Variants in DOCK6 observed in about 807,000 individuals in gnomAD.
DOCK6 encodes the protein dedicator of cytokinesis protein 6.
A neutral mutation model predicts 230.3 loss-of-function variants in DOCK6; 167 were observed. That is an observed-to-expected ratio of 0.73 (90% confidence interval 0.64 to 0.82). DOCK6 has a LOEUF of 0.82. DOCK6 is among the 40% of genes least tolerant of loss of function. The probability of loss-of-function intolerance (pLI) is 0.00; values close to 1 mark genes in which losing one functional copy is unlikely to be tolerated. For missense variants in DOCK6, 2,598 were observed against 2,825.8 expected (o/e 0.92, Z 1.83); for synonymous variants, 1,148 against 1,185.0 (o/e 0.97, Z 0.64).
chr19:11,236,733 A>T lies in DOCK6; in HGVS notation c.2160+60T>A. The T allele has an allele frequency of 6.5e-7, 1 of 1,544,384 alleles. No homozygotes were observed. Among genetic ancestry groups the T allele is most frequent in the South Asian group, 1.2e-5 (1 of 83,880 alleles). ...CCCGGCCATCGGCAACTGTTACTCA[A>T]TCGTAGGGCAGGCAAGAGGGGAGCA... On this transcript the variant is annotated intron_variant, in intron 19 of 47. Transcript: ENST00000294618. This position sits in a 1 kb window ranked among gnomAD's most constrained non-coding sequence, Gnocchi z 5.2.
chr19:11,202,493 C>T lies in DOCK6; in HGVS notation c.5362-10G>A. On this transcript the variant is annotated splice_polypyrimidine_tract_variant and intron_variant, in intron 42 of 47. Coordinates refer to ENST00000294618, the MANE Select transcript of DOCK6 (RefSeq NM_020812.4). This position sits in a 1 kb window ranked among gnomAD's most constrained non-coding sequence, Gnocchi z 5.3. ...TCTCCGTGTAGAACTCCTGGAGACA[C>T]AGGGCTGACTCGGGGCCACCCAGGG... The T allele has an allele frequency of 6.2e-7, 1 of 1,613,260 alleles. No homozygotes were observed. The highest frequency in any genetic ancestry group is 8.5e-7 in the Non-Finnish European group (1 of 1,179,454).
intron 24 of DOCK6, among the ~76,000 whole-genome samples, chr19:11,226,872 TCTGA>T (rs1555692004): frequency 6.6e-6 from 1 of 152,204 alleles, no homozygotes; most frequent in Non-Finnish European, 1.5e-5. Context: ...TGCTGTATAC[TCTGA>T]CTGTGCTAAG....
chr19:11,206,930 C>T (rs553114385), intron 39 of DOCK6, among the ~76,000 whole-genome samples: 38 of 151,896 alleles, frequency 2.5e-4, no homozygotes, highest in Non-Finnish European at 4.9e-4. Context: ...CTGCAACCTC[C>T]GCCTCCCGGG....
rs1204464925 is a variant in DOCK6 at position 11,238,318 on chromosome 19, G to A, written c.1644-14C>T. On this transcript the variant is annotated splice_polypyrimidine_tract_variant and intron_variant, in intron 14 of 47. Transcript: ENST00000294618. Reference sequence around the variant, plus strand: ...TACAGCAGGTTCCTGTGGGGGGCAGGATGGGGGTGTCAGAGGGACAGGGGC... The same window carrying A: ...TACAGCAGGTTCCTGTGGGGGGCAGAATGGGGGTGTCAGAGGGACAGGGGC... 4 of 1,592,110 alleles carry A rather than the reference G, an allele frequency of 2.5e-6. No individual in the cohort carries two copies. The highest frequency in any genetic ancestry group is 3.4e-6 in the Non-Finnish European group (4 of 1,169,968).
rs370838036 is a variant in DOCK6, at chr19:11,245,652, G to A, written c.934C>T (p.His312Tyr). ...GTGGAGATGGCAGGGTGGGTGCCAT[G>A]AGCCCGAAGCAGCCCCTTCATGGAG... ...SDSMKGLLRA[H>Y]GTHPAISTLA... The change falls in exon 9 of 48, where the codon CAT becomes TAT. Residue 312 changes from histidine to tyrosine, a missense_variant. Transcript: ENST00000294618. The A allele has an allele frequency of 2.6e-5, 42 of 1,608,734 alleles. No homozygotes were observed. Among genetic ancestry groups the A allele is most frequent in the Admixed American group, 1.0e-4 (6 of 59,306 alleles).
At chr19:11,214,145 A>C in intron 34 of DOCK6, 130 bp downstream of exon 34, 1 of 1,349,720 alleles carries the variant, frequency 7.4e-7, no homozygotes, top group South Asian at 1.6e-5. Context: ...GGTTGGTCTC[A>C]AACTCCTGGC....
chr19:11,259,871 C>T (rs11085767), intron 1 of DOCK6, among the ~76,000 whole-genome samples: 27,620 of 137,106 alleles, frequency 0.2, 3,109 homozygotes, highest in East Asian at 0.39. Flanking sequence ...CCTGGGCCGC[C>T]GCGCCCGGCC....
rs2147700886 is a variant in DOCK6 at position 11,202,959 on chromosome 19, A to G, written c.5236-250T>C. ...AGGGTATACAGCAGGTACCCAATAC[A>G]TGCATAGATGGCTGAGGAGAGGGAT... On this transcript the variant is annotated intron_variant, in intron 41 of 47. Coordinates refer to ENST00000294618, the MANE Select transcript of DOCK6 (RefSeq NM_020812.4). The surrounding 1 kb of genome is among the most constrained non-coding windows in gnomAD (Gnocchi z 5.3). Among the ~76,000 whole-genome samples, 1 of 152,302 alleles carries G rather than the reference A, an allele frequency of 6.6e-6. No individual in the cohort carries two copies. Among genetic ancestry groups the G allele is most frequent in the East Asian group, 1.9e-4 (1 of 5,176 alleles).
chr19:11,241,799 G>C, intron 14 of DOCK6: 1 of 1,508,146 alleles, frequency 6.6e-7, no homozygotes, highest in Non-Finnish European at 9.0e-7. Context: ...CCAGGGCGCC[G>C]GGCCCCACTT....
rs551336450 is a variant in DOCK6, at chr19:11,207,269, T to C, written c.5088+1417A>G. On this transcript the variant is annotated intron_variant, in intron 39 of 47. Coordinates refer to ENST00000294618, the MANE Select transcript of DOCK6 (RefSeq NM_020812.4). ...AGTACAGTGGCACGATTACAACTCA[T>C]TGTAGCCCCAACCTCCTGGGCTCCA... is the stretch of plus-strand genomic sequence containing the variant. Among the ~76,000 whole-genome samples, 33 of 152,200 alleles carry C rather than the reference T, an allele frequency of 2.2e-4. No individual in the cohort carries two copies. The South Asian group carries it at 6.4e-3, about 30-fold the overall frequency.
chr19:11,231,857 CA>C (rs1211889100), intron 22 of DOCK6, among the ~76,000 whole-genome samples: 1 of 152,146 alleles, frequency 6.6e-6, no homozygotes, highest in Non-Finnish European at 1.5e-5. Flanking sequence ...GTCCCATCAT[CA>C]GGGGTGGATT....
intron 14 of DOCK6, among the ~76,000 whole-genome samples, chr19:11,241,109 G>C (rs1169363398): frequency 2.0e-5 from 3 of 152,076 alleles, no homozygotes; most frequent in African/African-American, 7.2e-5. Context: ...AGCTGGGCGT[G>C]GTGGCACATG....
At position 11,252,142 on chromosome 19, in the gene DOCK6, C is replaced by A. The variant is rs766200535; in HGVS notation, c.484G>T (p.Glu162Ter). Residue 162 changes from glutamate to a stop codon, truncating the protein, a stop_gained, in exon 5 of 48, where the codon GAG becomes TAG. Coordinates refer to ENST00000294618, the MANE Select transcript of DOCK6 (RefSeq NM_020812.4). LOFTEE classifies it high-confidence loss of function. The stretch of plus-strand genomic sequence containing the variant: ...ACCGAGTCCTCAGGGCCGGACCTCT[C>A]GTCTCCAGAAGCATCCTGCTCAAAG... ...QVFEQDASGD[E>*]RSGPEDSNDS... 2.5e-6 allele frequency: 4 copies of A among 1,588,492 alleles called. No individual in the cohort carries two copies. Among genetic ancestry groups the A allele is most frequent in the Admixed American group, 1.8e-5 (1 of 55,928 alleles).
chr19:11,241,515 T>C, intron 14 of DOCK6: 2 of 1,552,680 alleles, frequency 1.3e-6, no homozygotes, highest in Non-Finnish European at 1.7e-6. Flanking sequence ...AGGCGGGAGA[T>C]GGTGGCACAG....
chr19:11,233,134 A>C (rs1173441535), intron 22 of DOCK6, 69 bp downstream of exon 22: 1 of 1,559,968 alleles, frequency 6.4e-7, no homozygotes, highest in Non-Finnish European at 8.7e-7. Context: ...TCATCAACAG[A>C]TTCTTCGCCC....
In DOCK6 at chr19:11,213,165, C is replaced by A; in HGVS notation, c.4491+11G>T. The A allele has an allele frequency of 6.2e-7, 1 of 1,609,036 alleles. No homozygotes were observed. The highest frequency in any genetic ancestry group is 8.5e-7 in the Non-Finnish European group (1 of 1,176,996). ...GCCATGTGTGGACCATGCCTCCTAGCCCCCACTCACGTGGCCGATCTCGAA... is the reference window on the plus strand; with the variant it reads ...GCCATGTGTGGACCATGCCTCCTAGACCCCACTCACGTGGCCGATCTCGAA... On this transcript the variant is annotated intron_variant, in intron 35 of 47. Transcript: ENST00000294618.
At chr19:11,227,054 C>T (rs946172533) in intron 24 of DOCK6, among the ~76,000 whole-genome samples, 2 of 152,144 alleles carry the variant, frequency 1.3e-5, no homozygotes, top group African/African-American at 2.4e-5. Context: ...TTTCCCCAGA[C>T]ATTGCATGGA....
At position 11,202,264 on chromosome 19, in the gene DOCK6, T is replaced by C. The variant is rs969690086; in HGVS notation, c.5451+130A>G. 9 of 1,386,112 alleles carry C rather than the reference T, an allele frequency of 6.5e-6. No homozygotes were observed. The highest frequency in any genetic ancestry group is 8.0e-6 in the Non-Finnish European group (8 of 1,004,492). The allele number at this position is 1,386,112 out of a possible 1,614,324, so 85.9% of individuals were successfully genotyped here. A position where few individuals can be genotyped will look rare whatever the true frequency, so the allele number is the denominator to read the frequency against. ...GGATGTTTGGGAATCCCCTGAGGAA[T>C]AGGTTTTGGGGTCCCTCAGTGAAAT... is the stretch of plus-strand genomic sequence containing the variant. On this transcript the variant is annotated intron_variant, in intron 43 of 47. Coordinates refer to ENST00000294618, the MANE Select transcript of DOCK6 (RefSeq NM_020812.4). The surrounding 1 kb of genome is among the most constrained non-coding windows in gnomAD (Gnocchi z 5.3).
In DOCK6 at chr19:11,217,330, CCCTTCG is replaced by C. The variant is rs763683775; in HGVS notation, c.3606_3611del (p.Glu1203_Gly1204del). 11 of 1,613,398 alleles carry C rather than the reference CCCTTCG, an allele frequency of 6.8e-6. No homozygotes were observed. The Admixed American group carries it at 1.2e-4, about 17-fold the overall frequency. On this transcript the variant is annotated inframe_deletion, in exon 29 of 48. Coordinates refer to ENST00000294618, the MANE Select transcript of DOCK6 (RefSeq NM_020812.4). ...AGGGGTTGATGGTACCCGCAATGTCCCCTTCGCCTTCTGTGTCTGAGTCAAGCATTG... is the reference window on the plus strand; with the variant it reads ...AGGGGTTGATGGTACCCGCAATGTCCCCTTCTGTGTCTGAGTCAAGCATTG...
Sources: allele counts gnomAD v4.1 joint callset (sites outside exome capture counted in the v4.1 genomes callset), GRCh38; gene constraint gnomAD v4.1.1; non-coding constraint Gnocchi (gnomAD v3.1); transcripts MANE v1.5; gene names NCBI Gene and HGNC (gene_info 2026-07-23, HGNC 2026-07-21).